Variants in MANBA observed in about 807,000 individuals in gnomAD.
MANBA encodes mannosidase beta, also known as beta-mannosidase.
Under a neutral mutation model 111.1 loss-of-function variants are expected in MANBA, and 83 were observed. The observed-to-expected ratio is 0.75, with a 90% CI of 0.63 to 0.90. MANBA has a LOEUF of 0.90. MANBA is among the 40% of genes least tolerant of loss of function. MANBA has a pLI of 0.00. For missense variants in MANBA, 1,036 were observed against 1,069.0 expected, an observed-to-expected ratio of 0.97 and a Z score of 0.43; for synonymous variants, 370 against 378.7, an observed-to-expected ratio of 0.98 and a Z score of 0.27.
In MANBA at chr4:102,632,089, A is replaced by C; in HGVS notation, c.2608T>G (p.Phe870Val). ...PTSKNELEQS[F>V]HVTSLTDIY ...ATATCTGTTAAGGAGGTCACATGAA[A>C]AGATTGCTCCAACTCATTCTTGCTG... Residue 870 changes from phenylalanine to valine, a missense_variant, in exon 17 of 17, where the codon TTT becomes GTT. Coordinates refer to ENST00000647097, the MANE Select transcript of MANBA (RefSeq NM_005908.4). The C allele has an allele frequency of 6.2e-7, 1 of 1,610,282 alleles. No homozygotes were observed. Among genetic ancestry groups the C allele is most frequent in the South Asian group, 1.1e-5 (1 of 90,962 alleles).
chr4:102,668,724 TAAGA>T (rs1354478853), intron 10 of MANBA: 3 of 478,602 alleles, frequency 6.3e-6, no homozygotes, highest in Non-Finnish European at 1.2e-5. Flanking sequence ...CAGTTGGATA[TAAGA>T]AAGAGGAATT....
At chr4:102,681,221 T>C (rs1405671873) in intron 7 of MANBA, among the ~76,000 whole-genome samples, 1 of 152,126 alleles carries the variant, frequency 6.6e-6, no homozygotes, top group Non-Finnish European at 1.5e-5. Flanking sequence ...CATGTGCCTG[T>C]AGTAGTCCTA....
chr4:102,727,907 G>A, intron 1 of MANBA: 1 of 505,714 alleles, frequency 2.0e-6, no homozygotes, highest in South Asian at 1.8e-5. Flanking sequence ...TTTCACTGCA[G>A]AGAATGGAGG....
chr4:102,745,893 A>C (rs978806285), intron 1 of MANBA, among the ~76,000 whole-genome samples: 5 of 152,106 alleles, frequency 3.3e-5, no homozygotes, highest in African/African-American at 1.2e-4. Context: ...CTCAAGGGTC[A>C]CTCTGAACCT....
intron 7 of MANBA, among the ~76,000 whole-genome samples, chr4:102,689,078 A>C (rs1732351493): frequency 6.6e-6 from 1 of 152,156 alleles, no homozygotes; most frequent in Non-Finnish European, 1.5e-5. Context: ...GGCCGGGCGC[A>C]GTGGCTCACG....
chr4:102,632,485 AT>A (rs1392650013), intron 16 of MANBA, among the ~76,000 whole-genome samples: 1 of 152,252 alleles, frequency 6.6e-6, no homozygotes, highest in Admixed American at 6.5e-5. Flanking sequence ...CCAAATTATA[AT>A]CACAAATCAA....
chr4:102,655,415 T>A (rs1436630300), intron 12 of MANBA, among the ~76,000 whole-genome samples: 1 of 152,118 alleles, frequency 6.6e-6, no homozygotes, highest in Non-Finnish European at 1.5e-5. Context: ...ATGTCAAAAC[T>A]TACTACAAAG....
intron 1 of MANBA, among the ~76,000 whole-genome samples, chr4:102,742,344 G>A (rs894106232): frequency 6.6e-6 from 1 of 152,174 alleles, no homozygotes; most frequent in Non-Finnish European, 1.5e-5. Context: ...ATCACTAGGG[G>A]TGATGGTGAG....
intron 1 of MANBA, among the ~76,000 whole-genome samples, chr4:102,741,046 G>A (rs1266847711): frequency 6.6e-6 from 1 of 152,104 alleles, no homozygotes; most frequent in Non-Finnish European, 1.5e-5. Flanking sequence ...CACAAACTAT[G>A]CAGCCGACAA....
intron 13 of MANBA, among the ~76,000 whole-genome samples, chr4:102,643,029 G>A (rs1729949742): frequency 6.6e-6 from 1 of 152,092 alleles, no homozygotes; most frequent in Non-Finnish European, 1.5e-5. Context: ...ACAGTCATAA[G>A]GTTGCACAAC....
chr4:102,668,870 GA>G lies in MANBA; in HGVS notation c.1317+92del, dbSNP rs1731350352. ...GTGTAATTTTTCATGGGATTTAGTA[GA>G]GAACAAAAACCAAAATGAAGCAAGA... On this transcript the variant is annotated intron_variant, in intron 10 of 16. Coordinates refer to ENST00000647097, the MANE Select transcript of MANBA (RefSeq NM_005908.4). 29 of 1,015,524 alleles carry G rather than the reference GA, an allele frequency of 2.9e-5. No individual in the cohort carries two copies. The South Asian group carries it at 4.0e-4, about 14-fold the overall frequency. The allele number at this position is 1,015,524 out of a possible 1,614,324, so 62.9% of individuals were successfully genotyped here. A position where few individuals can be genotyped will look rare whatever the true frequency, so the allele number is the denominator to read the frequency against.
intron 12 of MANBA, among the ~76,000 whole-genome samples, chr4:102,652,963 A>G (rs1730403018): frequency 6.6e-6 from 1 of 152,178 alleles, no homozygotes; most frequent in African/African-American, 2.4e-5. Flanking sequence ...TGTGAAAACC[A>G]GGCACAGAAA....
rs181869140 is a variant in MANBA at position 102,720,462 on chromosome 4, G to A, written c.549+2409C>T. On this transcript the variant is annotated intron_variant, in intron 4 of 16. Transcript: ENST00000647097. ...AAAAAAAAAAATACAAAAATTAGCCGGGCATGGTGGCAGGCGCCTGTAATC... is the reference window on the plus strand; with the variant it reads ...AAAAAAAAAAATACAAAAATTAGCCAGGCATGGTGGCAGGCGCCTGTAATC... Among the ~76,000 whole-genome samples, 226 of 150,916 alleles carry A rather than the reference G, an allele frequency of 1.5e-3. 1 individual carries two copies. The highest frequency in any genetic ancestry group is 4.8e-3 in the African/African-American group (197 of 41,026).
intron 1 of MANBA, among the ~76,000 whole-genome samples, chr4:102,751,228 G>A (rs1933706199): frequency 6.6e-6 from 1 of 152,224 alleles, no homozygotes; most frequent in African/African-American, 2.4e-5. Context: ...TGGCTCCTTA[G>A]AAAGAATGAT....
At chr4:102,721,267 T>G (rs1722559927) in intron 4 of MANBA, among the ~76,000 whole-genome samples, 1 of 152,144 alleles carries the variant, frequency 6.6e-6, no homozygotes, top group African/African-American at 2.4e-5. Context: ...GAGGTTGCAG[T>G]GAGCCGAGAT....
At chr4:102,753,808 C>T (rs956989102) in intron 1 of MANBA, 2 of 230,486 alleles carry the variant, frequency 8.7e-6, no homozygotes, top group South Asian at 4.0e-5. Flanking sequence ...AGAGGCCACC[C>T]ATGGTGGCTC....
At chr4:102,671,440 A>T in intron 8 of MANBA, 42 bp from the exon 9 acceptor site, 2 of 1,209,772 alleles carry the variant, frequency 1.7e-6, no homozygotes, top group Non-Finnish European at 2.4e-6. Context: ...TTTGGAAAAA[A>T]AAAACAGATT....
chr4:102,752,769 ACAGCTAACATTTAACT>A, intron 1 of MANBA: 1 of 347,712 alleles, frequency 2.9e-6, no homozygotes, highest in Non-Finnish European at 5.6e-6. Context: ...ACTCTTCATA[ACAGCTAACATTTAACT>A]ATCTTTTTCT....
At chr4:102,724,644 A>C (rs929259982) in intron 2 of MANBA, among the ~76,000 whole-genome samples, 2 of 152,188 alleles carry the variant, frequency 1.3e-5, no homozygotes, top group Non-Finnish European at 2.9e-5. Flanking sequence ...TTAGAAAACT[A>C]TCATCTATAA....
Sources: allele counts gnomAD v4.1 joint callset (sites outside exome capture counted in the v4.1 genomes callset), GRCh38; gene constraint gnomAD v4.1.1; transcripts MANE v1.5; gene names NCBI Gene and HGNC (gene_info 2026-07-23, HGNC 2026-07-21).